The following ZFHX3 variants were observed in gnomAD, a reference collection of about 807,000 sequenced individuals.
ZFHX3 encodes the protein zinc finger homeobox 3, also known as zinc finger homeobox protein 3.
A neutral mutation model predicts 279.1 loss-of-function variants in ZFHX3; 42 were observed. The ratio of observed to expected loss-of-function variants is 0.15; its 90% CI spans 0.12 to 0.19. The LOEUF is 0.19. Ranked by LOEUF, ZFHX3 falls within the 10% of genes least tolerant of loss-of-function variation. ZFHX3 has a pLI of 1.00. For synonymous variants in ZFHX3, 2,293 were observed against 1,957.8 expected (o/e 1.17, Z -4.52); for missense variants, 4,981 against 4,754.0 (o/e 1.05, Z -1.40).
At chr16:73,743,057 C>T (rs1330959217) in intron 1 of ZFHX3, among the ~76,000 whole-genome samples, 4 of 152,296 alleles carry the variant, frequency 2.6e-5, no homozygotes, top group Admixed American at 6.5e-5. Context: ...TTCATACAGA[C>T]TTGTTTCCAC....
rs778246902 is a variant in ZFHX3, at chr16:72,796,994, G to A, written c.5688C>T (p.Ala1896=). The A allele has an allele frequency of 5.0e-6, 8 of 1,613,792 alleles. No homozygotes were observed. The highest frequency in any genetic ancestry group is 2.2e-5 in the South Asian group (2 of 91,044). Residue 1896 remains alanine (A), a synonymous_variant, in exon 9 of 10, where the codon GCC becomes GCT. Transcript: ENST00000268489. ...EKESQRERDS[A]EGGEGNTGPK... is the part of the protein sequence containing the mutation. ...GACCGGTGTTGCCCTCTCCCCCCTCGGCGCTGTCCCTCTCTCTCTGGCTTT... is the reference window on the plus strand; with the variant it reads ...GACCGGTGTTGCCCTCTCCCCCCTCAGCGCTGTCCCTCTCTCTCTGGCTTT...
At chr16:73,000,757 C>A (rs556987209) in intron 1 of ZFHX3, among the ~76,000 whole-genome samples, 1 of 152,190 alleles carries the variant, frequency 6.6e-6, no homozygotes, top group Non-Finnish European at 1.5e-5. Flanking sequence ...AAAAGGACAG[C>A]GGATGGGCGT....
At position 72,794,795 on chromosome 16, in the gene ZFHX3, G is replaced by A. The variant is rs376175083; in HGVS notation, c.7887C>T (p.Asn2629=). 1.3e-4 allele frequency: 206 copies of A among 1,614,038 alleles called. 1 individual carries two copies. Among genetic ancestry groups the A allele is most frequent in the Non-Finnish European group, 1.6e-4 (185 of 1,180,046 alleles). The part of the protein sequence containing the change: ...EEKASASPGE[N]DSGTGGEEPQ... Reference sequence around the variant, plus strand: ...GCTCTTCTCCTCCTGTCCCACTGTCGTTTTCGCCAGGGCTTGCACTGGCCT... The same window carrying A: ...GCTCTTCTCCTCCTGTCCCACTGTCATTTTCGCCAGGGCTTGCACTGGCCT... Residue 2629 remains asparagine, a synonymous_variant, in exon 9 of 10, where the codon AAC becomes AAT. Coordinates refer to ENST00000268489, the MANE Select transcript of ZFHX3 (RefSeq NM_006885.4). This position sits in a 1 kb window ranked among gnomAD's most constrained non-coding sequence, Gnocchi z 4.2.
At chr16:73,526,494 T>C (rs2019698361) in intron 2 of ZFHX3, among the ~76,000 whole-genome samples, 1 of 152,186 alleles carries the variant, frequency 6.6e-6, no homozygotes, top group South Asian at 2.1e-4. Flanking sequence ...TTTTAAAACC[T>C]ATAAAATACA....
chr16:73,065,610 T>C (rs1007887939), intron 8 of ZFHX3, among the ~76,000 whole-genome samples: 3 of 148,640 alleles, frequency 2.0e-5, no homozygotes, highest in Non-Finnish European at 3.0e-5. Context: ...TGTGTGTGCG[T>C]GTGTGTGTCT....
intron 2 of ZFHX3, among the ~76,000 whole-genome samples, chr16:73,663,150 T>G (rs1406559101): frequency 6.6e-6 from 1 of 152,240 alleles, no homozygotes; most frequent in Non-Finnish European, 1.5e-5. Flanking sequence ...TTGACAGACA[T>G]GAGTTTGAGA....
chr16:73,030,250 G>T (rs1964648569), intron 1 of ZFHX3, among the ~76,000 whole-genome samples: 1 of 152,202 alleles, frequency 6.6e-6, no homozygotes, highest in Non-Finnish European at 1.5e-5. Context: ...CACCACAATG[G>T]AATTGCTTTG....
At chr16:73,173,091 T>C (rs1462930591) in intron 5 of ZFHX3, among the ~76,000 whole-genome samples, 2 of 137,816 alleles carry the variant, frequency 1.5e-5, no homozygotes, top group Non-Finnish European at 3.1e-5. Flanking sequence ...TCTGGGAAAA[T>C]AACCTTGTTT....
chr16:73,599,455 C>A (rs1052461762), intron 2 of ZFHX3, among the ~76,000 whole-genome samples: 3 of 152,246 alleles, frequency 2.0e-5, no homozygotes, highest in Admixed American at 1.3e-4. Flanking sequence ...AAGGCAATGG[C>A]TGCACAGCAT....
In ZFHX3 at chr16:73,777,508, C is replaced by CAAAAAAAA. The variant is rs34744186; in HGVS notation, c.-1607-97276_-1607-97269dup. On this transcript the variant is annotated intron_variant, in intron 1 of 17. Transcript: ENST00000641206. ...TGGGCGACAGAGTGAGACTCTGTCT[C>CAAAAAAAA]AAAAAAAAAAAAAAAAAAAAAAAAG... is the stretch of plus-strand genomic sequence containing the variant. Among the ~76,000 whole-genome samples the CAAAAAAAA allele has an allele frequency of 6.4e-5, 4 of 62,650 alleles. 1 individual carries two copies. The highest frequency in any genetic ancestry group is 1.3e-3 in the East Asian group (2 of 1,562). The allele number at this position is 62,650 out of a possible 152,430, so 41.1% of individuals were successfully genotyped here. A position where few individuals can be genotyped will look rare whatever the true frequency, so the allele number is the denominator to read the frequency against.
intron 3 of ZFHX3, among the ~76,000 whole-genome samples, chr16:73,447,121 C>A (rs931264044): frequency 6.7e-6 from 1 of 149,148 alleles, no homozygotes; most frequent in Non-Finnish European, 1.5e-5. Flanking sequence ...GCGGAGCTTG[C>A]AGTCAGCCGA....
At chr16:73,049,193 C>T (rs1399892388), upstream of ZFHX3, among the ~76,000 whole-genome samples, 8 of 152,342 alleles carry the variant, frequency 5.3e-5, no homozygotes, top group East Asian at 1.5e-3. Flanking sequence ...CGGAAGTCCT[C>T]TGTCCTCCCT....
intron 1 of ZFHX3, among the ~76,000 whole-genome samples, chr16:73,793,777 G>A (rs190731099): frequency 5.9e-5 from 9 of 152,288 alleles, no homozygotes; most frequent in Non-Finnish European, 1.3e-4. Context: ...ACAATTGACA[G>A]CCTGTTTCAA....
chr16:72,814,948 G>A (rs553077315), intron 5 of ZFHX3, among the ~76,000 whole-genome samples: 1 of 152,292 alleles, frequency 6.6e-6, no homozygotes, highest in East Asian at 1.9e-4. Flanking sequence ...TAAACACCCA[G>A]TTACAATCTC....
chr16:73,586,928 T>C (rs1475854155), intron 2 of ZFHX3, among the ~76,000 whole-genome samples: 1 of 152,226 alleles, frequency 6.6e-6, no homozygotes, highest in Non-Finnish European at 1.5e-5. Context: ...CTTTGTTAAT[T>C]GGGCTGTTTT....
At chr16:73,173,234 A>G (rs1393108894) in intron 5 of ZFHX3, among the ~76,000 whole-genome samples, 2 of 151,888 alleles carry the variant, frequency 1.3e-5, no homozygotes, top group African/African-American at 4.8e-5. Flanking sequence ...TTTCTTAAAT[A>G]TAATTAGATG....
intron 2 of ZFHX3, among the ~76,000 whole-genome samples, chr16:73,497,769 G>C (rs187395732): frequency 6.6e-6 from 1 of 152,296 alleles, no homozygotes; most frequent in African/African-American, 2.4e-5. Flanking sequence ...AAAGATATGG[G>C]TAGAAAAAGG....
At chr16:73,425,909 T>G (rs2017801927) in intron 3 of ZFHX3, among the ~76,000 whole-genome samples, 1 of 149,906 alleles carries the variant, frequency 6.7e-6, no homozygotes, top group Non-Finnish European at 1.5e-5. Context: ...GAGAAACCCG[T>G]GAAAGAAAAA....
chr16:73,261,584 G>C (rs947180788), intron 4 of ZFHX3, among the ~76,000 whole-genome samples: 2 of 146,988 alleles, frequency 1.4e-5, no homozygotes, highest in Non-Finnish European at 3.0e-5. Context: ...GGGGAATTCT[G>C]TTTTCCAAGA....
Sources: gnomAD v4.1 joint callset for allele counts (sites outside exome capture counted in the v4.1 genomes callset) on GRCh38, gnomAD v4.1.1 for gene constraint, Gnocchi (gnomAD v3.1) non-coding constraint, MANE v1.5 for transcripts, NCBI Gene and HGNC (gene_info 2026-07-23, HGNC 2026-07-21) for gene names.